The following IDO1 variants were observed in gnomAD, a reference collection of about 807,000 sequenced individuals.
The protein encoded by IDO1 is indolamine 2,3 dioxygenase.
IDO1 carries 35 observed loss-of-function variants against 38.8 expected under a neutral mutation model. The ratio of observed to expected loss-of-function variants is 0.90; its 90% CI spans 0.69 to 1.20. IDO1 has a LOEUF of 1.20. IDO1 is among the 50% of genes most tolerant of loss of function. The pLI is 0.00. For missense variants in IDO1, 509 were observed against 485.1 expected (o/e 1.05, Z -0.46); for synonymous variants, 171 against 170.0 (o/e 1.01, Z -0.05).
chr8:39,914,410 A>G (rs1424969409), intron 1 of IDO1, among the ~76,000 whole-genome samples: 1 of 152,228 alleles, frequency 6.6e-6, no homozygotes, highest in Non-Finnish European at 1.5e-5. Flanking sequence ...TCTTAGGGAT[A>G]TAACTTAAAT....
rs767992637 is a variant in IDO1 at position 39,925,340 on chromosome 8, C to G, written c.825C>G (p.Val275=). The G allele has an allele frequency of 6.2e-7, 1 of 1,613,034 alleles. No homozygotes were observed. Among genetic ancestry groups the G allele is most frequent in the East Asian group, 2.2e-5 (1 of 44,878 alleles). The change falls in exon 9 of 10, where the codon GTC becomes GTG. Residue 275 remains valine, a synonymous_variant. Coordinates refer to ENST00000518237, the MANE Select transcript of IDO1 (RefSeq NM_002164.6). ...GCAGCGTCTTTCAGTGCTTTGACGT[C>G]CTGCTGGGCATCCAGCAGACTGCTG... is the stretch of plus-strand genomic sequence containing the variant. ...GQSSVFQCFD[V]LLGIQQTAGG... is the part of the protein sequence containing the mutation.
At chr8:39,920,512 A>G (rs1807255516) in intron 5 of IDO1, 1 of 169,072 alleles carries the variant, frequency 5.9e-6, no homozygotes, top group Non-Finnish European at 1.3e-5. Context: ...GACCTATAAT[A>G]TATACTAAAC....
intron 5 of IDO1, 125 bp downstream of exon 5, chr8:39,920,239 G>T (rs745863225): frequency 1.4e-6 from 1 of 689,924 alleles, no homozygotes. Context: ...AATAATTTAA[G>T]TGACTATTTA....
At chr8:39,922,435 G>A (rs952610181) in intron 5 of IDO1, 117 bp from the exon 6 acceptor site, 4 of 697,134 alleles carry the variant, frequency 5.7e-6, no homozygotes, top group Non-Finnish European at 1.0e-5. Flanking sequence ...AGATAGTAAG[G>A]CCTGCCACAC....
chr8:39,922,855 A>G, intron 6 of IDO1: 1 of 577,424 alleles, frequency 1.7e-6, no homozygotes, highest in South Asian at 2.2e-5. Flanking sequence ...CTTAAAATCC[A>G]ACTTGAAACC....
intron 1 of IDO1, among the ~76,000 whole-genome samples, chr8:39,917,091 A>C (rs1378550742): frequency 6.6e-6 from 1 of 152,214 alleles, no homozygotes; most frequent in Non-Finnish European, 1.5e-5. Context: ...ACAATAATTA[A>C]ATATGTATCT....
intron 1 of IDO1, among the ~76,000 whole-genome samples, chr8:39,916,566 T>C (rs925784409): frequency 6.6e-6 from 1 of 152,184 alleles, no homozygotes; most frequent in African/African-American, 2.4e-5. Context: ...AAATTATTGG[T>C]TACTTTTATT....
At chr8:39,919,960 A>G (rs1471432886) in intron 4 of IDO1, 140 bp from the exon 5 acceptor site, 2 of 730,374 alleles carry the variant, frequency 2.7e-6, no homozygotes, top group Non-Finnish European at 4.8e-6. Context: ...AAACATTTTA[A>G]TAAGCTTTTT....
At chr8:39,919,903 TTTCA>T (rs1190704794) in intron 4 of IDO1, among the ~76,000 whole-genome samples, 193 bp from the exon 5 acceptor site, 1 of 152,244 alleles carries the variant, frequency 6.6e-6, no homozygotes, top group Non-Finnish European at 1.5e-5. Flanking sequence ...TATTTAATTA[TTTCA>T]TTCATTTGTA....
intron 6 of IDO1, 60 bp downstream of exon 6, chr8:39,922,711 C>T (rs1051953547): frequency 4.5e-6 from 5 of 1,116,590 alleles, no homozygotes; most frequent in Admixed American, 3.5e-5. Context: ...GCAATCACTT[C>T]GGAGCCTAAA....
Position 39,913,916 on chromosome 8 carries a change from T to G in IDO1, c.-7T>G. On this transcript the variant is annotated 5_prime_UTR_variant, in exon 1 of 10. Coordinates refer to ENST00000518237, the MANE Select transcript of IDO1 (RefSeq NM_002164.6). ...ACTGAGGGGCACCAGAGGAGCAGAC[T>G]ACAAGAATGGCACACGCTATGGAAA... The G allele has an allele frequency of 6.4e-7, 1 of 1,561,784 alleles. No homozygotes were observed. Among genetic ancestry groups the G allele is most frequent in the African/African-American group, 1.4e-5 (1 of 73,636 alleles).
Position 39,918,893 on chromosome 8 carries a change from G to A in IDO1, c.382G>A (p.Asp128Asn), listed in dbSNP as rs965385661. The change falls in exon 4 of 10, where the codon GAC becomes AAC. Residue 128 changes from aspartate to asparagine, a missense_variant. Asp to Asn is a conservative substitution (Grantham distance 23). Coordinates refer to ENST00000518237, the MANE Select transcript of IDO1 (RefSeq NM_002164.6). ...ACTGCCTCCTATTTTGGTTTATGCA[G>A]ACTGTGTCTTGGCAAACTGGAAGAA... ...LELPPILVYA[D>N]CVLANWKKKD... is the part of the protein sequence containing the mutation. The A allele has an allele frequency of 1.2e-6, 2 of 1,611,884 alleles. No individual in the cohort carries two copies. Among genetic ancestry groups the A allele is most frequent in the African/African-American group, 2.7e-5 (2 of 74,780 alleles).
At chr8:39,916,471 C>G (rs995067272) in intron 1 of IDO1, among the ~76,000 whole-genome samples, 3 of 152,106 alleles carry the variant, frequency 2.0e-5, no homozygotes, top group Admixed American at 6.6e-5. Flanking sequence ...GAGTGAGGCC[C>G]TGTCTGAAAA....
chr8:39,924,093 T>C (rs1258000051), intron 7 of IDO1, among the ~76,000 whole-genome samples: 1 of 152,074 alleles, frequency 6.6e-6, no homozygotes, highest in Admixed American at 6.6e-5. Flanking sequence ...TAAGCAGTAA[T>C]TTGCAATAGG....
At chr8:39,921,891 C>T (rs879444193) in intron 5 of IDO1, among the ~76,000 whole-genome samples, 12 of 152,246 alleles carry the variant, frequency 7.9e-5, no homozygotes, top group Middle Eastern at 3.4e-3. Context: ...AAAAGACTAC[C>T]TCTTAAAACT....
At chr8:39,927,553 C>G (rs566776313) in intron 9 of IDO1, among the ~76,000 whole-genome samples, 1 of 143,086 alleles carries the variant, frequency 7.0e-6, no homozygotes, top group East Asian at 2.0e-4. Context: ...GAGCGAGACT[C>G]TGTCTCAAAA....
intron 1 of IDO1, among the ~76,000 whole-genome samples, chr8:39,915,480 T>G (rs1586208203): frequency 6.6e-6 from 1 of 152,228 alleles, no homozygotes; most frequent in African/African-American, 2.4e-5. Context: ...TTGGTGATAC[T>G]GGCAAATTTA....
In IDO1 at chr8:39,922,640, T is replaced by C; in HGVS notation, c.526T>C (p.Ser176Pro). Residue 176 changes from serine (S) to proline (P), a missense_variant, in exon 6 of 10, where the codon TCT (serine) becomes CCT (proline). Coordinates refer to ENST00000518237, the MANE Select transcript of IDO1 (RefSeq NM_002164.6). ...VSLLVEIAAA[S>P]AIKVIPTVFK... ...TCTATTGGTGGAAATAGCAGCTGCT[T>C]CTGCAATCAAAGTACGTCTATCCTC... 1.2e-6 allele frequency: 2 copies of C among 1,609,504 alleles called. No homozygotes were observed. The highest frequency in any genetic ancestry group is 1.7e-6 in the Non-Finnish European group (2 of 1,175,974).
In IDO1 at chr8:39,928,414, A is replaced by G. The variant is rs997162309; in HGVS notation, c.*229A>G. ...TGTATCTTATCATTGGAATAAAATG[A>G]CATTCAATAAATAAAAATGCATAAG... On this transcript the variant is annotated 3_prime_UTR_variant, in exon 10 of 10. Transcript: ENST00000518237. 3.0e-5 allele frequency: 13 copies of G among 439,778 alleles called. No individual in the cohort carries two copies. The highest frequency in any genetic ancestry group is 4.0e-5 in the Non-Finnish European group (10 of 247,378). The allele number at this position is 439,778 out of a possible 1,614,324, so 27.2% of individuals were successfully genotyped here. A position where few individuals can be genotyped will look rare whatever the true frequency, so the allele number is the denominator to read the frequency against.
Sources: allele counts gnomAD v4.1 joint callset (sites outside exome capture counted in the v4.1 genomes callset), GRCh38; gene constraint gnomAD v4.1.1; transcripts MANE v1.5; gene names NCBI Gene and HGNC (gene_info 2026-07-23, HGNC 2026-07-21).